The following HERC4 variants were observed in gnomAD, a reference collection of about 807,000 sequenced individuals.
HERC4 encodes HECT and RLD domain containing E3 ubiquitin protein ligase 4, also known as probable E3 ubiquitin-protein ligase HERC4.
HERC4 carries 28 observed loss-of-function variants against 124.3 expected under a neutral mutation model. The ratio of observed to expected loss-of-function variants is 0.23; its 90% CI spans 0.17 to 0.31. The LOEUF is 0.31. Ranked by LOEUF, HERC4 falls within the 10% of genes least tolerant of loss-of-function variation. The pLI, the probability that HERC4 is intolerant of heterozygous loss-of-function variation, is 1.00. For missense variants in HERC4, 713 were observed against 1,229.3 expected, an observed-to-expected ratio of 0.58 and a Z score of 6.28; for synonymous variants, 407 against 421.5, an observed-to-expected ratio of 0.97 and a Z score of 0.42.
rs775889856 is a variant in HERC4, at chr10:67,932,590, C to A, written c.2838+7G>T. The A allele has an allele frequency of 2.5e-6, 4 of 1,599,490 alleles. No individual in the cohort carries two copies. The highest frequency in any genetic ancestry group is 3.4e-6 in the Non-Finnish European group (4 of 1,174,770). The stretch of plus-strand genomic sequence containing the variant: ...TTTAACAATATCAGAGATTAGTTTT[C>A]CCCTACCTTTTCCAGTTCCTTCCAA... On this transcript the variant is annotated splice_region_variant and intron_variant, in intron 23 of 24. Coordinates refer to ENST00000373700, the MANE Select transcript of HERC4 (RefSeq NM_015601.4).
intron 7 of HERC4, among the ~76,000 whole-genome samples, chr10:68,030,524 A>G: frequency 6.6e-6 from 1 of 152,218 alleles, no homozygotes; most frequent in East Asian, 1.9e-4. Context: ...AAGCTGTTCC[A>G]TACACCTTGC....
chr10:67,939,469 T>C, intron 21 of HERC4, 119 bp downstream of exon 21: 1 of 636,306 alleles, frequency 1.6e-6, no homozygotes, highest in Admixed American at 3.0e-5. Flanking sequence ...GCTCAATAAA[T>C]GTTAGCTAAA....
chr10:67,988,647 G>A lies in HERC4; in HGVS notation c.1806+16C>T, dbSNP rs1366373824. The A allele has an allele frequency of 7.0e-7, 1 of 1,438,390 alleles. No individual in the cohort carries two copies. The highest frequency in any genetic ancestry group is 2.4e-5 in the East Asian group (1 of 41,458). 89.1% of individuals were successfully genotyped at this position (1,438,390 alleles called of 1,614,324 possible). ...GGAATGGGGAAAGAGGAAAATAAAG[G>A]AATGATTGGACATACCCTATGTAGT... On this transcript the variant is annotated intron_variant, in intron 15 of 24. Coordinates refer to ENST00000373700, the MANE Select transcript of HERC4 (RefSeq NM_015601.4).
chr10:68,051,559 C>T (rs1292594430), intron 3 of HERC4, among the ~76,000 whole-genome samples: 1 of 151,552 alleles, frequency 6.6e-6, no homozygotes, highest in South Asian at 2.1e-4. Flanking sequence ...CAGAGTTTCA[C>T]CATGTTAGCC....
chr10:68,027,551 G>A (rs1253398536), intron 7 of HERC4, among the ~76,000 whole-genome samples: 1 of 152,074 alleles, frequency 6.6e-6, no homozygotes, highest in Non-Finnish European at 1.5e-5. Flanking sequence ...CTAATAACTA[G>A]GCCATGTTTA....
intron 9 of HERC4, among the ~76,000 whole-genome samples, chr10:67,995,678 TCA>T (rs1589274074): frequency 2.0e-5 from 3 of 152,174 alleles, no homozygotes; most frequent in Non-Finnish European, 4.4e-5. Flanking sequence ...TAATTTTGAC[TCA>T]CAGAACATTT....
intron 3 of HERC4, among the ~76,000 whole-genome samples, chr10:68,059,498 AT>A (rs2073385100): frequency 7.8e-6 from 1 of 127,790 alleles, no homozygotes; most frequent in African/African-American, 2.9e-5. Flanking sequence ...TTATAACATT[AT>A]ATATTATAAT....
chr10:68,067,207 G>A (rs2041342721), intron 3 of HERC4: 1 of 152,610 alleles, frequency 6.6e-6, no homozygotes. Context: ...AAATTCCTCA[G>A]ATGTAGGGTC....
chr10:68,032,399 A>C (rs529702289), intron 7 of HERC4, among the ~76,000 whole-genome samples: 1 of 152,320 alleles, frequency 6.6e-6, no homozygotes, highest in East Asian at 1.9e-4. Context: ...AGCCAAATGG[A>C]AACTACATTC....
At chr10:68,039,670 C>T in intron 4 of HERC4, 2 of 1,363,582 alleles carry the variant, frequency 1.5e-6, no homozygotes, top group South Asian at 1.9e-5. Flanking sequence ...AATTTTCAAA[C>T]TCAACAAAAT....
At chr10:67,937,681 C>CT (rs538781630) in intron 21 of HERC4, among the ~76,000 whole-genome samples, 437 of 136,450 alleles carry the variant, frequency 3.2e-3, no homozygotes, top group South Asian at 4.7e-3. Flanking sequence ...TGGAGAGCAA[C>CT]TTTTTTTTTT....
chr10:68,055,378 T>C (rs769086674), intron 3 of HERC4, among the ~76,000 whole-genome samples: 1 of 152,210 alleles, frequency 6.6e-6, no homozygotes, highest in Admixed American at 6.5e-5. Context: ...CACTAACTTA[T>C]GTGTCTTAGT....
intron 9 of HERC4, among the ~76,000 whole-genome samples, chr10:67,997,852 G>A (rs1009098678): frequency 1.3e-5 from 2 of 152,104 alleles, no homozygotes; most frequent in Non-Finnish European, 2.9e-5. Context: ...TGTATCCATA[G>A]GTTCCATATT....
At chr10:67,983,786 CAAAAAAAAA>C (rs61012367) in intron 15 of HERC4, among the ~76,000 whole-genome samples, 126 of 100,148 alleles carry the variant, frequency 1.3e-3, no homozygotes, top group African/African-American at 4.9e-3. Context: ...GACTCTGTCT[CAAAAAAAAA>C]AAAAAAAAAA....
intron 9 of HERC4, among the ~76,000 whole-genome samples, chr10:68,012,471 C>T (rs913184101): frequency 2.0e-4 from 31 of 152,166 alleles, no homozygotes; most frequent in Admixed American, 9.8e-4. Flanking sequence ...GGCCTAATTT[C>T]AACACTGTTG....
chr10:68,067,945 ATCT>A (rs1457476637), intron 3 of HERC4: 10 of 152,330 alleles, frequency 6.6e-5, no homozygotes, highest in Non-Finnish European at 1.2e-4. Flanking sequence ...AGAACTCTCG[ATCT>A]TCTTATCAGT....
At chr10:68,009,513 C>T (rs1230615620) in intron 9 of HERC4, among the ~76,000 whole-genome samples, 1 of 152,100 alleles carries the variant, frequency 6.6e-6, no homozygotes, top group Non-Finnish European at 1.5e-5. Context: ...AAAATGCTAA[C>T]GATCAATTGA....
intron 7 of HERC4, among the ~76,000 whole-genome samples, chr10:68,026,275 T>G (rs2038894962): frequency 6.6e-6 from 1 of 152,048 alleles, no homozygotes; most frequent in Non-Finnish European, 1.5e-5. Flanking sequence ...TTTTACTTTT[T>G]TGTAGAGATG....
chr10:68,003,462 C>G (rs1374528549), intron 9 of HERC4, among the ~76,000 whole-genome samples: 1 of 151,710 alleles, frequency 6.6e-6, no homozygotes, highest in Admixed American at 6.6e-5. Context: ...GGTGAGCCAC[C>G]CCACCCCTGC....
Sources: gnomAD v4.1 joint callset for allele counts (sites outside exome capture counted in the v4.1 genomes callset) on GRCh38, gnomAD v4.1.1 for gene constraint, MANE v1.5 for transcripts, NCBI Gene and HGNC (gene_info 2026-07-23, HGNC 2026-07-21) for gene names.